Variants in KLF12 observed in about 807,000 individuals in gnomAD.
KLF12 encodes the protein KLF transcription factor 12.
KLF12 carries 9 observed loss-of-function variants against 37.8 expected under a neutral mutation model. That is an observed-to-expected ratio of 0.24 (90% confidence interval 0.14 to 0.42). The LOEUF is 0.42. Among genes scored for constraint, KLF12 ranks in the 10% least tolerant of loss-of-function variants. The pLI, the probability that KLF12 is intolerant of heterozygous loss-of-function variation, is 1.00. For synonymous variants in KLF12, 208 were observed against 202.1 expected (o/e 1.03, Z -0.25); for missense variants, 411 against 516.0 (o/e 0.80, Z 1.97).
At chr13:74,212,000 T>G in the KLF12 span, among the ~76,000 whole-genome samples, 2 of 152,206 alleles carry the variant, frequency 1.3e-5, no homozygotes, top group Admixed American at 6.6e-5. Flanking sequence ...ATATACCACA[T>G]AATGCATGAC....
chr13:73,973,335 C>A (rs1891398432), intron 2 of KLF12, among the ~76,000 whole-genome samples: 1 of 152,188 alleles, frequency 6.6e-6, no homozygotes, highest in Non-Finnish European at 1.5e-5. Flanking sequence ...AGCTTCCTGC[C>A]ATTCTGCTCA....
intron 1 of KLF12, among the ~76,000 whole-genome samples, chr13:74,051,907 T>C (rs140592633): frequency 2.6e-5 from 4 of 152,262 alleles, no homozygotes; most frequent in African/African-American, 9.6e-5. Context: ...ACAAAGAAAT[T>C]ATACATGTTC....
intron 3 of KLF12, among the ~76,000 whole-genome samples, chr13:73,910,738 CAA>C (rs571072644): frequency 1.6e-4 from 24 of 152,184 alleles, no homozygotes; most frequent in Non-Finnish European, 2.2e-4. Context: ...TTGTCCCCTC[CAA>C]AACTCATGTT....
chr13:73,952,776 G>A (rs1168888947), intron 2 of KLF12, among the ~76,000 whole-genome samples: 3 of 152,176 alleles, frequency 2.0e-5, no homozygotes, highest in Non-Finnish European at 2.9e-5. Context: ...CAAAAGCTAA[G>A]TTTAAGCGTT....
chr13:74,093,696 G>A (rs939051184), intron 1 of KLF12, among the ~76,000 whole-genome samples: 3 of 150,928 alleles, frequency 2.0e-5, no homozygotes, highest in Admixed American at 2.0e-4. Flanking sequence ...AAATAGTTAA[G>A]AATTGACTCC....
At chr13:74,275,921 C>CT in the KLF12 span, among the ~76,000 whole-genome samples, 4 of 127,220 alleles carry the variant, frequency 3.1e-5, no homozygotes, top group African/African-American at 1.3e-4. Context: ...TTCTTTCTTT[C>CT]TTTCTTTCTT....
intron 1 of KLF12, among the ~76,000 whole-genome samples, chr13:74,048,608 T>C (rs938428341): frequency 1.3e-5 from 2 of 152,106 alleles, no homozygotes; most frequent in African/African-American, 4.8e-5. Context: ...AGAATGTGAA[T>C]TTAATAAGGA....
At chr13:74,222,406 A>G in the KLF12 span, among the ~76,000 whole-genome samples, 4 of 152,240 alleles carry the variant, frequency 2.6e-5, no homozygotes, top group Non-Finnish European at 5.9e-5. Context: ...ACAGTCTTTT[A>G]CAAAAAGCAC....
chr13:73,768,928 C>T (rs1479715276), intron 5 of KLF12, among the ~76,000 whole-genome samples: 1 of 151,990 alleles, frequency 6.6e-6, no homozygotes, highest in Admixed American at 6.6e-5. Context: ...TCCCTCCACC[C>T]AGCCCAGAGG....
intron 1 of KLF12, among the ~76,000 whole-genome samples, chr13:74,035,038 A>G (rs1212537428): frequency 6.6e-6 from 1 of 152,026 alleles, no homozygotes; most frequent in Non-Finnish European, 1.5e-5. Flanking sequence ...CTAGCCTAGA[A>G]TTTTTCCCTT....
At chr13:73,702,748 T>C (rs1874655046) in intron 7 of KLF12, among the ~76,000 whole-genome samples, 1 of 152,204 alleles carries the variant, frequency 6.6e-6, no homozygotes, top group South Asian at 2.1e-4. Flanking sequence ...TGTGACAATC[T>C]GTTTCACTTG....
chr13:74,063,121 A>T (rs1873707755), intron 1 of KLF12, among the ~76,000 whole-genome samples: 1 of 152,184 alleles, frequency 6.6e-6, no homozygotes, highest in African/African-American at 2.4e-5. Flanking sequence ...TCAGGGTGCT[A>T]AAATAGCTCA....
chr13:74,033,664 T>G (rs373876298), intron 1 of KLF12, among the ~76,000 whole-genome samples: 7 of 152,232 alleles, frequency 4.6e-5, no homozygotes, highest in Non-Finnish European at 1.0e-4. Flanking sequence ...CTTCTATCAA[T>G]GTGCCACATT....
At chr13:74,184,325 G>A in the KLF12 span, among the ~76,000 whole-genome samples, 1 of 152,126 alleles carries the variant, frequency 6.6e-6, no homozygotes, top group Non-Finnish European at 1.5e-5. Context: ...ATCTCAGTCT[G>A]CCTAGAGCTC....
At chr13:74,093,967 CA>C (rs59531736) in intron 1 of KLF12, among the ~76,000 whole-genome samples, 38,584 of 122,530 alleles carry the variant, frequency 0.31, 5,829 homozygotes, top group African/African-American at 0.44. Context: ...CAGTAAAATG[CA>C]AAAAAAAAAA....
At position 73,692,570 on chromosome 13, in the gene KLF12, T is replaced by C. The variant is rs1873880065; in HGVS notation, c.*2920A>G. ...TGTTGCTCATGATGCACTGTGCTTT[T>C]TGAAAGAGGCTAGAAATGGACATGA... On this transcript the variant is annotated 3_prime_UTR_variant, in exon 8 of 8. Transcript: ENST00000377669. 1 of 152,698 alleles carries C rather than the reference T, an allele frequency of 6.5e-6. No homozygotes were observed. Among genetic ancestry groups the C allele is most frequent in the African/African-American group, 2.4e-5 (1 of 41,472 alleles). The allele number at this position is 152,698 out of a possible 1,614,324, so 9.5% of individuals were successfully genotyped here.
At chr13:73,881,802 C>T (rs1886994662) in intron 3 of KLF12, among the ~76,000 whole-genome samples, 7 of 152,148 alleles carry the variant, frequency 4.6e-5, no homozygotes, top group Admixed American at 4.6e-4. Flanking sequence ...TAACTTTACA[C>T]ATCTAATCCT....
chr13:73,796,200 G>A (rs1881951859), intron 5 of KLF12, among the ~76,000 whole-genome samples: 1 of 152,070 alleles, frequency 6.6e-6, no homozygotes, highest in African/African-American at 2.4e-5. Flanking sequence ...TCCTCTGACT[G>A]TCATTCTTAT....
At chr13:74,230,113 T>A in the KLF12 span, among the ~76,000 whole-genome samples, 1 of 150,922 alleles carries the variant, frequency 6.6e-6, no homozygotes, top group Admixed American at 6.6e-5. Context: ...ATAATCCCCA[T>A]GTGTGTTGGG....
Sources: gnomAD v4.1 joint callset for allele counts (sites outside exome capture counted in the v4.1 genomes callset) on GRCh38, gnomAD v4.1.1 for gene constraint, MANE v1.5 for transcripts, NCBI Gene and HGNC (gene_info 2026-07-23, HGNC 2026-07-21) for gene names.